The following CHSY3 variants were observed in gnomAD, a reference collection of about 807,000 sequenced individuals.
CHSY3 encodes the protein chondroitin sulfate synthase 3, also known as N-acetylgalactosaminyl-proteoglycan 3-beta-glucuronosyltransferase 3.
CHSY3 carries 35 observed loss-of-function variants against 67.2 expected under a neutral mutation model. The observed-to-expected ratio is 0.52, with a 90% CI of 0.40 to 0.69. The LOEUF (loss-of-function observed/expected upper bound fraction) is 0.69, where lower values mean the gene tolerates loss of function less well. Among genes scored for constraint, CHSY3 ranks in the 30% least tolerant of loss-of-function variants. CHSY3 has a pLI of 0.00. For missense variants in CHSY3, 1,069 were observed against 1,138.5 expected (o/e 0.94, Z 0.88); for synonymous variants, 474 against 434.7 (o/e 1.09, Z -1.12).
intron 2 of CHSY3, among the ~76,000 whole-genome samples, chr5:129,926,484 A>G (rs547114455): frequency 6.6e-6 from 1 of 152,116 alleles, no homozygotes; most frequent in African/African-American, 2.4e-5. Context: ...ATTAATTTAA[A>G]ATATAAATCC....
chr5:129,986,796 C>T (rs1203970429), intron 2 of CHSY3, among the ~76,000 whole-genome samples: 1 of 152,132 alleles, frequency 6.6e-6, no homozygotes, highest in Admixed American at 6.5e-5. Flanking sequence ...GCATGTGCCA[C>T]TGCACCCAGC....
intron 2 of CHSY3, among the ~76,000 whole-genome samples, chr5:129,994,549 G>T (rs1441679654): frequency 6.6e-6 from 1 of 151,994 alleles, no homozygotes; most frequent in African/African-American, 2.4e-5. Flanking sequence ...TCATGCCATG[G>T]TTTTCATACC....
intron 2 of CHSY3, among the ~76,000 whole-genome samples, chr5:130,169,895 C>T (rs1289691565): frequency 6.6e-6 from 1 of 152,082 alleles, no homozygotes; most frequent in African/African-American, 2.4e-5. Context: ...CATATTTCCT[C>T]TGTGGATACA....
chr5:129,932,518 A>G (rs1761349912), intron 2 of CHSY3, among the ~76,000 whole-genome samples: 1 of 152,150 alleles, frequency 6.6e-6, no homozygotes, highest in Admixed American at 6.5e-5. Context: ...AGCCAAACTG[A>G]CACATAAATT....
At chr5:130,086,641 C>A (rs1410553538) in intron 2 of CHSY3, among the ~76,000 whole-genome samples, 1 of 152,084 alleles carries the variant, frequency 6.6e-6, no homozygotes, top group Non-Finnish European at 1.5e-5. Context: ...TTCCTCGACA[C>A]ATACACCCTC....
chr5:130,085,724 G>T (rs959183222), intron 2 of CHSY3, among the ~76,000 whole-genome samples: 1 of 151,852 alleles, frequency 6.6e-6, no homozygotes, highest in Admixed American at 6.6e-5. Flanking sequence ...TTGGATCTTT[G>T]CTGCTTTCTC....
At chr5:130,122,875 A>G (rs1478965957) in intron 2 of CHSY3, among the ~76,000 whole-genome samples, 1 of 152,216 alleles carries the variant, frequency 6.6e-6, no homozygotes, top group Non-Finnish European at 1.5e-5. Flanking sequence ...TGACTAAAAT[A>G]GGGAGTCCAT....
intron 2 of CHSY3, among the ~76,000 whole-genome samples, chr5:129,912,883 A>G (rs1330926369): frequency 6.6e-6 from 1 of 152,204 alleles, no homozygotes; most frequent in Admixed American, 6.5e-5. Context: ...TTTTAAGGCC[A>G]TATGGCAGAT....
chr5:129,956,197 G>A lies in CHSY3; in HGVS notation c.1086+47837G>A, dbSNP rs377243105. On this transcript the variant is annotated intron_variant, in intron 2 of 2. Coordinates refer to ENST00000305031, the MANE Select transcript of CHSY3 (RefSeq NM_175856.5). The stretch of plus-strand genomic sequence containing the variant: ...TTTTTTTTCTCCAAAACCTTGCGGC[G>A]TGTTATTTTTTGACATTTTAATAAT... Among the ~76,000 whole-genome samples the A allele has an allele frequency of 1.3e-4, 20 of 152,074 alleles. No homozygotes were observed. The East Asian group carries it at 2.5e-3, about 19-fold the overall frequency.
intron 2 of CHSY3, among the ~76,000 whole-genome samples, chr5:130,020,414 C>A (rs1764334345): frequency 8.6e-6 from 1 of 116,658 alleles, no homozygotes. Flanking sequence ...AGCAAGACTT[C>A]ATCTCAAAAT....
Position 130,031,227 on chromosome 5 carries a change from T to G in CHSY3, c.1086+122867T>G, listed in dbSNP as rs537276789. On this transcript the variant is annotated intron_variant, in intron 2 of 2. Transcript: ENST00000305031. ...CTGATGAGCCATTAATTTCTCTATATTTTTGCTAACACATGAGAGGGCTGA... is the reference window on the plus strand; with the variant it reads ...CTGATGAGCCATTAATTTCTCTATAGTTTTGCTAACACATGAGAGGGCTGA... 1.5e-3 allele frequency among the ~76,000 whole-genome samples: 225 copies of G among 152,226 alleles called. 2 individuals carry two copies. Among genetic ancestry groups the G allele is most frequent in the Non-Finnish European group, 9.4e-4 (64 of 67,968 alleles).
At chr5:129,999,785 A>G (rs1561491021) in intron 2 of CHSY3, among the ~76,000 whole-genome samples, 1 of 152,128 alleles carries the variant, frequency 6.6e-6, no homozygotes, top group Non-Finnish European at 1.5e-5. Context: ...AAACTCTACC[A>G]TATATCTACA....
intron 2 of CHSY3, among the ~76,000 whole-genome samples, chr5:130,018,869 G>C (rs1012925021): frequency 6.6e-6 from 1 of 151,980 alleles, no homozygotes; most frequent in Admixed American, 6.6e-5. Context: ...CTCAGTTCTC[G>C]AGTGCATGGA....
intron 2 of CHSY3, among the ~76,000 whole-genome samples, chr5:129,929,922 G>T (rs1314396618): frequency 6.6e-6 from 1 of 152,150 alleles, no homozygotes; most frequent in African/African-American, 2.4e-5. Flanking sequence ...AATCTCTTTA[G>T]AAAGGTACAA....
At chr5:129,915,010 C>T (rs1364632100) in intron 2 of CHSY3, among the ~76,000 whole-genome samples, 1 of 152,140 alleles carries the variant, frequency 6.6e-6, no homozygotes, top group Non-Finnish European at 1.5e-5. Context: ...CTACTTTCCC[C>T]TTCTTTGTCT....
intron 2 of CHSY3, among the ~76,000 whole-genome samples, chr5:130,027,884 G>T (rs541438937): frequency 6.6e-6 from 1 of 152,178 alleles, no homozygotes; most frequent in East Asian, 1.9e-4. Context: ...ATGGACATTT[G>T]GGTTGGTTCC....
At chr5:129,904,427 G>C (rs1323866153), upstream of CHSY3, 1 of 166,938 alleles carries the variant, frequency 6.0e-6, no homozygotes, top group South Asian at 1.8e-4. Context: ...GAGGGCGGGG[G>C]CTCGGGAAGG....
intron 2 of CHSY3, among the ~76,000 whole-genome samples, chr5:129,932,650 T>C (rs891948798): frequency 2.0e-5 from 3 of 152,156 alleles, no homozygotes; most frequent in Non-Finnish European, 4.4e-5. Context: ...TGTATTAGTT[T>C]ATGTATATTA....
intron 2 of CHSY3, among the ~76,000 whole-genome samples, chr5:130,148,316 T>C (rs1401906885): frequency 6.6e-6 from 1 of 152,212 alleles, no homozygotes; most frequent in African/African-American, 2.4e-5. Flanking sequence ...CACTTAGGAT[T>C]GATTCCATGT....
Sources: allele counts gnomAD v4.1 joint callset (sites outside exome capture counted in the v4.1 genomes callset), GRCh38; gene constraint gnomAD v4.1.1; transcripts MANE v1.5; gene names NCBI Gene and HGNC (gene_info 2026-07-23, HGNC 2026-07-21).